Variants in GABRA3 observed in about 807,000 individuals in gnomAD.
GABRA3 encodes gamma-aminobutyric acid receptor subunit alpha-3.
In GABRA3, 10 loss-of-function variants were observed where a neutral mutation model predicts 30.1. The ratio of observed to expected loss-of-function variants is 0.33; its 90% CI spans 0.20 to 0.56. GABRA3 has a LOEUF of 0.56. GABRA3 is among the 20% of genes least tolerant of loss of function. The pLI is 0.89. For synonymous variants in GABRA3, 151 were observed against 146.8 expected, an observed-to-expected ratio of 1.03 and a Z score of -0.21; for missense variants, 233 against 392.0, an observed-to-expected ratio of 0.59 and a Z score of 3.42.
chrX:152,283,276 T>C (rs1939229723), intron 4 of GABRA3, among the ~76,000 whole-genome samples: 1 of 111,535 alleles, frequency 9.0e-6, no homozygotes, highest in Non-Finnish European at 1.9e-5. Flanking sequence ...TACCCCTTAA[T>C]GAGCTCTCCC....
At chrX:152,348,214 G>A (rs777437340) in intron 2 of GABRA3, among the ~76,000 whole-genome samples, 3 of 110,813 alleles carry the variant, frequency 2.7e-5, no homozygotes, top group Non-Finnish European at 5.7e-5. Flanking sequence ...GAATTCAAAG[G>A]TAGTTTGGGG....
At chrX:152,196,677 T>C (rs1301303055) in intron 8 of GABRA3, among the ~76,000 whole-genome samples, 3 of 111,779 alleles carry the variant, frequency 2.7e-5, no homozygotes, top group Non-Finnish European at 3.8e-5. Context: ...TCTGTCTGCA[T>C]CTCATGTAAA....
chrX:152,344,992 A>T (rs1011516370), intron 3 of GABRA3, among the ~76,000 whole-genome samples: 2 of 111,826 alleles, frequency 1.8e-5, no homozygotes, highest in African/African-American at 6.5e-5. Flanking sequence ...CCTTATTGTG[A>T]TCATATTGCT....
At chrX:152,199,018 G>A (rs1937427491) in intron 7 of GABRA3, among the ~76,000 whole-genome samples, 2 of 111,673 alleles carry the variant, frequency 1.8e-5, no homozygotes, top group Non-Finnish European at 3.8e-5. Flanking sequence ...AGTGTCCTTA[G>A]AAGAGAGCAC....
intron 2 of GABRA3, among the ~76,000 whole-genome samples, chrX:152,350,707 G>A (rs1279751104): frequency 9.0e-6 from 1 of 111,597 alleles, no homozygotes; most frequent in African/African-American, 3.3e-5. Flanking sequence ...TGCTCTTACT[G>A]ATATCCAGAA....
chrX:152,268,818 C>T (rs1227094720), intron 4 of GABRA3, among the ~76,000 whole-genome samples: 8 of 111,640 alleles, frequency 7.2e-5, no homozygotes, highest in Non-Finnish European at 1.3e-4. Context: ...GATCGGTGTG[C>T]CTGGACCACC....
chrX:152,264,276 C>A (rs920776306), intron 4 of GABRA3, among the ~76,000 whole-genome samples: 2 of 111,558 alleles, frequency 1.8e-5, no homozygotes, highest in African/African-American at 6.5e-5. Context: ...ACTACAACAA[C>A]TTTCCAAGAC....
rs1421019894 is a variant in GABRA3 at position 152,236,443 on chromosome X, C to T, written c.552-11598G>A. Among the ~76,000 whole-genome samples the T allele has an allele frequency of 3.7e-3, 349 of 95,368 alleles. 3 individuals carry two copies. The highest frequency in any genetic ancestry group is 0.013 in the African/African-American group (327 of 25,858). The allele number at this position is 95,368 out of a possible 115,157, so 82.8% of individuals were successfully genotyped here. A position where few individuals can be genotyped will look rare whatever the true frequency, so the allele number is the denominator to read the frequency against. On this transcript the variant is annotated intron_variant, in intron 5 of 9. Transcript: ENST00000370314. ...AAGTCTTTGCTATTGTGAATAATGC[C>T]GCAATAAACATACGTGTGCATGTGT...
chrX:152,282,927 T>C (rs1198703605), intron 4 of GABRA3, among the ~76,000 whole-genome samples: 1 of 111,997 alleles, frequency 8.9e-6, no homozygotes, highest in African/African-American at 3.2e-5. Flanking sequence ...AGTGAGTGTA[T>C]GTGTGTGTGA....
chrX:152,400,883 C>G (rs1376495858), intron 1 of GABRA3, among the ~76,000 whole-genome samples: 6 of 111,161 alleles, frequency 5.4e-5, no homozygotes, highest in Non-Finnish European at 1.1e-4. Flanking sequence ...ATGTAGGTGA[C>G]CTCTAAGAGC....
intron 1 of GABRA3, among the ~76,000 whole-genome samples, chrX:152,450,652 CCTT>C (rs1343746080): frequency 9.0e-6 from 1 of 110,757 alleles, no homozygotes. Flanking sequence ...AAGGTACCCT[CCTT>C]CTTTCTTATT....
At chrX:152,240,327 C>G (rs963560493) in intron 5 of GABRA3, among the ~76,000 whole-genome samples, 6 of 97,698 alleles carry the variant, frequency 6.1e-5, no homozygotes, top group Non-Finnish European at 1.2e-4. Context: ...TTGGCCCCCA[C>G]TCTCTTCTGG....
intron 9 of GABRA3, among the ~76,000 whole-genome samples, chrX:152,188,293 G>A (rs1184390127): frequency 9.0e-6 from 1 of 111,388 alleles, no homozygotes; most frequent in East Asian, 2.8e-4. Context: ...ATAAAAGGAC[G>A]ATTTTAAGAA....
chrX:152,336,633 G>A (rs1210326814), intron 3 of GABRA3, among the ~76,000 whole-genome samples: 1 of 111,986 alleles, frequency 8.9e-6, no homozygotes, highest in Non-Finnish European at 1.9e-5. Context: ...AACAAGATGA[G>A]TAGAACTGAA....
chrX:152,183,463 A>G (rs111439627), intron 9 of GABRA3, among the ~76,000 whole-genome samples: 208 of 97,694 alleles, frequency 2.1e-3, no homozygotes, highest in African/African-American at 7.4e-3. Flanking sequence ...TCTTAGTCTA[A>G]AGGTTTGTCT....
chrX:152,431,611 A>G (rs1386915870), intron 1 of GABRA3, among the ~76,000 whole-genome samples: 1 of 112,221 alleles, frequency 8.9e-6, no homozygotes, highest in African/African-American at 3.2e-5. Flanking sequence ...TAAATAGCAG[A>G]TGGAATGAAG....
chrX:152,313,690 C>T (rs747786896), intron 3 of GABRA3, among the ~76,000 whole-genome samples: 11 of 111,943 alleles, frequency 9.8e-5, no homozygotes, highest in South Asian at 3.7e-4. Context: ...TCTGCTGCAG[C>T]GACTGCCTGA....
chrX:152,193,791 G>A (rs994586934), intron 8 of GABRA3, among the ~76,000 whole-genome samples: 1 of 111,775 alleles, frequency 8.9e-6, no homozygotes, highest in East Asian at 2.8e-4. Context: ...AAGGTCAGGA[G>A]TTTGAGACCA....
rs1259892121 is a variant in GABRA3 at position 152,166,855 on chromosome X, T to G, written c.*1373A>C. The G allele has an allele frequency of 9.0e-6, 1 of 110,889 alleles. No homozygotes were observed. The highest frequency in any genetic ancestry group is 3.3e-5 in the African/African-American group (1 of 30,427). The allele number at this position is 110,889 out of a possible 1,213,427, so 9.1% of individuals were successfully genotyped here. ...GGCTTCTCAGTCCTTTATTTTGGCC[T>G]TTGGAAAGGGGCGCACGATAGCTCT... On this transcript the variant is annotated 3_prime_UTR_variant, in exon 10 of 10. Coordinates refer to ENST00000370314, the MANE Select transcript of GABRA3 (RefSeq NM_000808.4).
Sources: gnomAD v4.1 joint callset for allele counts (sites outside exome capture counted in the v4.1 genomes callset) on GRCh38, gnomAD v4.1.1 for gene constraint, MANE v1.5 for transcripts, NCBI Gene and HGNC (gene_info 2026-07-23, HGNC 2026-07-21) for gene names.